The following COL4A6 variants were observed in gnomAD, a reference collection of about 807,000 sequenced individuals.
COL4A6 encodes the protein collagen alpha-6(IV) chain.
Under a neutral mutation model 126.7 loss-of-function variants are expected in COL4A6, and 59 were observed. That is an observed-to-expected ratio of 0.47 (90% CI 0.38 to 0.58). The LOEUF is 0.58. Ranked by LOEUF, COL4A6 falls within the 20% of genes least tolerant of loss-of-function variation. The pLI is 0.00. For missense variants in COL4A6, 1,285 were observed against 1,337.3 expected, an observed-to-expected ratio of 0.96 and a Z score of 0.61; for synonymous variants, 547 against 496.6, an observed-to-expected ratio of 1.10 and a Z score of -1.35.
intron 3 of COL4A6, among the ~76,000 whole-genome samples, chrX:108,293,844 A>G (rs1391738151): frequency 8.9e-6 from 1 of 112,505 alleles, no homozygotes; most frequent in Non-Finnish European, 1.9e-5. Flanking sequence ...TTAAACTGGC[A>G]AGAATTTGCA....
chrX:108,181,888 T>C (rs1035203507), intron 23 of COL4A6, among the ~76,000 whole-genome samples: 1 of 112,445 alleles, frequency 8.9e-6, no homozygotes, highest in Admixed American at 9.4e-5. Context: ...CCCCAAGGTC[T>C]GCTTTAAACC....
At chrX:108,289,725 C>A (rs2038112046) in intron 3 of COL4A6, among the ~76,000 whole-genome samples, 1 of 111,178 alleles carries the variant, frequency 9.0e-6, no homozygotes, top group South Asian at 3.8e-4. Flanking sequence ...CCTGCACTCA[C>A]TTCTCTCTCC....
chrX:108,211,214 AG>A (rs1310865407), intron 7 of COL4A6, among the ~76,000 whole-genome samples: 2 of 111,840 alleles, frequency 1.8e-5, no homozygotes, highest in African/African-American at 6.5e-5. Flanking sequence ...GCAGACATCC[AG>A]GGGCCCAGCT....
intron 2 of COL4A6, among the ~76,000 whole-genome samples, chrX:108,349,089 T>G (rs893408386): frequency 2.7e-4 from 30 of 111,993 alleles, no homozygotes; most frequent in African/African-American, 7.8e-4. Flanking sequence ...ATCAGGGCTT[T>G]CCCTTCCTCC....
intron 2 of COL4A6, among the ~76,000 whole-genome samples, chrX:108,361,127 C>A (rs777258534): frequency 1.2e-4 from 13 of 111,324 alleles, no homozygotes; most frequent in Admixed American, 7.7e-4. Flanking sequence ...TTTAATTATT[C>A]TTCTGCTATC....
At chrX:108,422,206 T>A (rs868773858) in intron 2 of COL4A6, among the ~76,000 whole-genome samples, 5 of 109,676 alleles carry the variant, frequency 4.6e-5, no homozygotes, top group Admixed American at 9.8e-5. Flanking sequence ...CTACAAAAAA[T>A]TTTTAAAAAA....
At chrX:108,366,258 C>T (rs2040196442) in intron 2 of COL4A6, among the ~76,000 whole-genome samples, 1 of 111,529 alleles carries the variant, frequency 9.0e-6, no homozygotes, top group Non-Finnish European at 1.9e-5. Context: ...GAAACTGAGG[C>T]TCCACAGAAG....
rs1035215365 is a variant in COL4A6 at position 108,157,284 on chromosome X, C to T, written c.4813-24G>A. 12 of 1,195,294 alleles carry T rather than the reference C, an allele frequency of 1.0e-5. No individual in the cohort carries two copies. In the African/African-American group the frequency reaches 1.4e-4, roughly 14 times the overall value. ...TGCTGAAACAGACAGGAGATTAGTG[C>T]ATGAGCTGTGCCTGCCAAGGGTTGG... On this transcript the variant is annotated intron_variant, in intron 44 of 44. Transcript: ENST00000334504.
intron 3 of COL4A6, among the ~76,000 whole-genome samples, chrX:108,279,214 C>T (rs1478194660): frequency 1.8e-5 from 2 of 110,847 alleles, no homozygotes; most frequent in East Asian, 2.8e-4. Flanking sequence ...GATAAAGAGC[C>T]AAGACCCATC....
intron 3 of COL4A6, among the ~76,000 whole-genome samples, chrX:108,251,844 G>A (rs1265608446): frequency 9.0e-6 from 1 of 111,020 alleles, no homozygotes; most frequent in Non-Finnish European, 1.9e-5. Flanking sequence ...TAAAAGTTTT[G>A]TTTTTAATTG....
intron 2 of COL4A6, among the ~76,000 whole-genome samples, chrX:108,428,892 T>C (rs2064132854): frequency 8.9e-6 from 1 of 111,823 alleles, no homozygotes; most frequent in Non-Finnish European, 1.9e-5. Context: ...AGCTATAGAC[T>C]TAGAAACTAT....
chrX:108,159,891 G>C, intron 43 of COL4A6, 143 bp from the exon 44 acceptor site: 1 of 621,086 alleles, frequency 1.6e-6, no homozygotes, highest in Non-Finnish European at 2.7e-6. Flanking sequence ...TACATGTGCT[G>C]AAGTGTGTTG....
chrX:108,317,713 G>C (rs1375938708), intron 2 of COL4A6, among the ~76,000 whole-genome samples: 1 of 111,278 alleles, frequency 9.0e-6, no homozygotes, highest in African/African-American at 3.3e-5. Context: ...GTTTTTCTCA[G>C]GTTTGTCAAA....
chrX:108,181,519 T>C (rs1205588257), intron 23 of COL4A6, among the ~76,000 whole-genome samples: 3 of 112,214 alleles, frequency 2.7e-5, no homozygotes, highest in Admixed American at 9.4e-5. Flanking sequence ...CTATTGATTG[T>C]CCTTGGTCAA....
chrX:108,219,836 T>A (rs940524819), intron 4 of COL4A6, 94 bp from the exon 5 acceptor site: 1 of 764,117 alleles, frequency 1.3e-6, no homozygotes, highest in Non-Finnish European at 2.0e-6. Flanking sequence ...CCTACATTTT[T>A]AAGAAGTGTT....
intron 23 of COL4A6, among the ~76,000 whole-genome samples, chrX:108,186,057 T>G (rs1201640641): frequency 3.6e-5 from 4 of 112,225 alleles, no homozygotes. Context: ...TTGAAAAAGT[T>G]GGTTGTATCC....
At chrX:108,200,644 T>C (rs967568268) in intron 13 of COL4A6, among the ~76,000 whole-genome samples, 1 of 111,487 alleles carries the variant, frequency 9.0e-6, no homozygotes. Flanking sequence ...GGTTAATGGG[T>C]ACAAACATAC....
intron 2 of COL4A6, among the ~76,000 whole-genome samples, chrX:108,427,338 G>A (rs760643806): frequency 8.9e-6 from 1 of 111,857 alleles, no homozygotes; most frequent in South Asian, 3.7e-4. Context: ...GCACATAGTA[G>A]TCACTAAATA....
intron 6 of COL4A6, among the ~76,000 whole-genome samples, chrX:108,212,104 C>G (rs1005297746): frequency 9.0e-6 from 1 of 111,497 alleles, no homozygotes; most frequent in South Asian, 3.8e-4. Context: ...CTGACAGAAC[C>G]TTTGTCTAGG....
Sources: gnomAD v4.1 joint callset for allele counts (sites outside exome capture counted in the v4.1 genomes callset) on GRCh38, gnomAD v4.1.1 for gene constraint, MANE v1.5 for transcripts, NCBI Gene and HGNC (gene_info 2026-07-23, HGNC 2026-07-21) for gene names.